Variants in B4GALT6 observed in about 807,000 individuals in gnomAD.
The protein encoded by B4GALT6 is beta-1,4-galactosyltransferase 6.
A neutral mutation model predicts 46.3 loss-of-function variants in B4GALT6; 14 were observed. The observed-to-expected ratio is 0.30, with a 90% CI of 0.20 to 0.47. The LOEUF is 0.47. Among genes scored for constraint, B4GALT6 ranks in the 20% least tolerant of loss-of-function variants. B4GALT6 has a pLI of 0.99. For synonymous variants in B4GALT6, 168 were observed against 162.0 expected, an observed-to-expected ratio of 1.04 and a Z score of -0.28; for missense variants, 386 against 480.1, an observed-to-expected ratio of 0.80 and a Z score of 1.83.
At chr18:31,631,520 A>C (rs1003562681) in intron 5 of B4GALT6, among the ~76,000 whole-genome samples, 1 of 152,164 alleles carries the variant, frequency 6.6e-6, no homozygotes, top group African/African-American at 2.4e-5. Context: ...ACATAGAAGA[A>C]AACAGTATCT....
At chr18:31,642,909 T>A (rs1223979387) in intron 4 of B4GALT6, among the ~76,000 whole-genome samples, 2 of 152,150 alleles carry the variant, frequency 1.3e-5, no homozygotes, top group South Asian at 4.1e-4. Flanking sequence ...AAATTACTAG[T>A]TTTGAAAGAT....
chr18:31,674,895 A>G (rs941103770), intron 1 of B4GALT6, among the ~76,000 whole-genome samples: 2 of 152,224 alleles, frequency 1.3e-5, no homozygotes, highest in African/African-American at 4.8e-5. Context: ...CTATTTGACC[A>G]TGGTGACAAT....
intron 3 of B4GALT6, among the ~76,000 whole-genome samples, chr18:31,654,656 G>C (rs62093515): frequency 9.9e-4 from 150 of 152,232 alleles, no homozygotes; most frequent in Non-Finnish European, 1.5e-3. Flanking sequence ...GTTTACAACA[G>C]AATAATCAAA....
At chr18:31,649,560 C>T (rs9962191) in intron 3 of B4GALT6, among the ~76,000 whole-genome samples, 10,217 of 141,432 alleles carry the variant, frequency 0.072, 1,276 homozygotes, top group African/African-American at 0.26. Context: ...AAAAACAACC[C>T]CATTAAAAAA....
Position 31,684,432 on chromosome 18 carries a change from T to C in B4GALT6, c.-6A>G. On this transcript the variant is annotated 5_prime_UTR_variant, in exon 1 of 9. Coordinates refer to ENST00000306851, the MANE Select transcript of B4GALT6 (RefSeq NM_004775.5). ...ATCCGCCTGAGCACAGACATCTTCCTCTTCCCTGCCAGCAGCCCAGGCTGC... is the reference window on the plus strand; with the variant it reads ...ATCCGCCTGAGCACAGACATCTTCCCCTTCCCTGCCAGCAGCCCAGGCTGC... 2 of 1,612,924 alleles carry C rather than the reference T, an allele frequency of 1.2e-6. No individual in the cohort carries two copies. Among genetic ancestry groups the C allele is most frequent in the Middle Eastern group, 3.3e-4 (2 of 6,028 alleles).
rs372354585 is a variant in B4GALT6 at position 31,668,326 on chromosome 18, C to T, written c.116-1954G>A. On this transcript the variant is annotated intron_variant, in intron 1 of 8. Transcript: ENST00000306851. ...ACTACTACAAGAGGGAGGGACAAAG[C>T]GGGGCAGAAGTTTAAAACTACCTAT... is the stretch of plus-strand genomic sequence containing the variant. Among the ~76,000 whole-genome samples, 50 of 152,166 alleles carry T rather than the reference C, an allele frequency of 3.3e-4. No homozygotes were observed. In the East Asian group the frequency reaches 5.4e-3, roughly 16 times the overall value.
chr18:31,632,137 A>T (rs527538773), intron 5 of B4GALT6, among the ~76,000 whole-genome samples: 25 of 152,326 alleles, frequency 1.6e-4, no homozygotes, highest in African/African-American at 6.0e-4. Flanking sequence ...TATTAAAAAA[A>T]GGATTACGAT....
Position 31,624,757 on chromosome 18 carries a change from T to C in B4GALT6, c.*857A>G, listed in dbSNP as rs1393573433. 6.6e-6 allele frequency: 1 copy of C among 152,454 alleles called. No homozygotes were observed. 9.4% of individuals were successfully genotyped at this position (152,454 alleles called of 1,614,324 possible). A position where few individuals can be genotyped will look rare whatever the true frequency, so the allele number is the denominator to read the frequency against. On this transcript the variant is annotated 3_prime_UTR_variant, in exon 9 of 9. Transcript: ENST00000306851. The stretch of plus-strand genomic sequence containing the variant: ...GTATAAACACACAACCTTGGAAACA[T>C]TTTTTGAGGCACAAAATCCCTGACA...
chr18:31,668,002 C>T (rs1785510430), intron 1 of B4GALT6, among the ~76,000 whole-genome samples: 1 of 150,810 alleles, frequency 6.6e-6, no homozygotes, highest in African/African-American at 2.4e-5. Flanking sequence ...GAGGCTGAGG[C>T]AGGAGAATGG....
At position 31,665,583 on chromosome 18, in the gene B4GALT6, T is replaced by A. The variant is rs541970409; in HGVS notation, c.232+673A>T. Among the ~76,000 whole-genome samples, 10 of 151,164 alleles carry A rather than the reference T, an allele frequency of 6.6e-5. No individual in the cohort carries two copies. The South Asian group carries it at 1.0e-3, about 16-fold the overall frequency. On this transcript the variant is annotated intron_variant, in intron 2 of 8. Transcript: ENST00000306851. ...TGAAACCCCGTCTCTATCAAAAATT[T>A]AAAAAAAAATTAGCCGGGCGTGGTG...
At chr18:31,668,183 A>G (rs913376913) in intron 1 of B4GALT6, among the ~76,000 whole-genome samples, 2 of 152,190 alleles carry the variant, frequency 1.3e-5, no homozygotes, top group African/African-American at 4.8e-5. Context: ...GCTGCAGGCC[A>G]TTATCCTAGC....
chr18:31,719,264 A>G, the B4GALT6 span: 1 of 152,084 alleles, frequency 6.6e-6, no homozygotes, highest in Non-Finnish European at 1.5e-5. Flanking sequence ...TGTAAGGGAG[A>G]CCTCTGCCAT....
chr18:31,673,925 GAC>G (rs546958861), intron 1 of B4GALT6, among the ~76,000 whole-genome samples: 2 of 151,586 alleles, frequency 1.3e-5, no homozygotes, highest in Admixed American at 6.6e-5. Flanking sequence ...CACTCTCACA[GAC>G]ACACACACAC....
intron 1 of B4GALT6, among the ~76,000 whole-genome samples, chr18:31,673,653 CATATAA>C (rs1438146664): frequency 1.3e-5 from 2 of 152,172 alleles, no homozygotes; most frequent in Non-Finnish European, 2.9e-5. Flanking sequence ...CTGAAGTCCA[CATATAA>C]ATATATGTTA....
chr18:31,713,658 A>C, the B4GALT6 span, among the ~76,000 whole-genome samples: 1 of 152,172 alleles, frequency 6.6e-6, no homozygotes, highest in African/African-American at 2.4e-5. Context: ...TATCTATCTC[A>C]GACACCTCCT....
chr18:31,667,228 T>C (rs1246643206), intron 1 of B4GALT6, among the ~76,000 whole-genome samples: 1 of 152,180 alleles, frequency 6.6e-6, no homozygotes, highest in African/African-American at 2.4e-5. Flanking sequence ...GTTTCCTCGT[T>C]TTCACAAGGC....
chr18:31,673,563 G>A (rs2074381933), intron 1 of B4GALT6, among the ~76,000 whole-genome samples: 2 of 152,202 alleles, frequency 1.3e-5, no homozygotes. Context: ...CAGGGATATA[G>A]AATCTTGGCA....
In B4GALT6 at chr18:31,664,845, ATAGT is replaced by A. The variant is rs142464341; in HGVS notation, c.232+1407_232+1410del. Among the ~76,000 whole-genome samples the A allele has an allele frequency of 2.2e-4, 33 of 152,362 alleles. No individual in the cohort carries two copies. The East Asian group carries it at 6.2e-3, about 28-fold the overall frequency. On this transcript the variant is annotated intron_variant, in intron 2 of 8. Coordinates refer to ENST00000306851, the MANE Select transcript of B4GALT6 (RefSeq NM_004775.5). ...TCAGAAGACTCATTCATGCTAAAGA[ATAGT>A]TAATGAGACTTTTACTGTAGAATTA...
At chr18:31,675,357 G>A (rs149035939) in intron 1 of B4GALT6, among the ~76,000 whole-genome samples, 56 of 152,212 alleles carry the variant, frequency 3.7e-4, no homozygotes, top group East Asian at 3.1e-3. Context: ...AAAGTTAAGG[G>A]GCCATCTGGC....
Sources: gnomAD v4.1 joint callset for allele counts (sites outside exome capture counted in the v4.1 genomes callset) on GRCh38, gnomAD v4.1.1 for gene constraint, MANE v1.5 for transcripts, NCBI Gene and HGNC (gene_info 2026-07-23, HGNC 2026-07-21) for gene names.